Variants in PCDHGA4 observed in about 807,000 individuals in gnomAD.
PCDHGA4 encodes the protein protocadherin gamma-A4.
PCDHGA4 carries 38 observed loss-of-function variants against 54.6 expected under a neutral mutation model. The observed-to-expected ratio is 0.70, with a 90% CI of 0.54 to 0.91. The LOEUF is 0.91. Ranked by LOEUF, PCDHGA4 falls within the 40% of genes least tolerant of loss-of-function variation. The probability of loss-of-function intolerance (pLI) is 0.00; values close to 1 mark genes in which losing one functional copy is unlikely to be tolerated. For synonymous variants in PCDHGA4, 511 were observed against 512.9 expected, an observed-to-expected ratio of 1.00 and a Z score of 0.05; for missense variants, 1,298 against 1,220.9, an observed-to-expected ratio of 1.06 and a Z score of -0.94.
chr5:141,366,715 T>C (rs1183918402), intron 1 of PCDHGA4: 3 of 1,614,072 alleles, frequency 1.9e-6, no homozygotes, highest in Non-Finnish European at 2.5e-6. Flanking sequence ...TGATGTCTGA[T>C]AAGGTAGATG....
chr5:141,371,694 T>C, intron 1 of PCDHGA4: 1 of 1,614,030 alleles, frequency 6.2e-7, no homozygotes, highest in African/African-American at 1.3e-5. Flanking sequence ...ACCGCTCTCC[T>C]CCAGCAAGAC....
Position 141,398,085 on chromosome 5 carries a change from T to C in PCDHGA4, c.2514+40464T>C, listed in dbSNP as rs140389005. 4,220 of 1,598,288 alleles carry C rather than the reference T, an allele frequency of 2.6e-3. 81 individuals carry two copies. In the African/African-American group the frequency reaches 0.047, roughly 18 times the overall value. ...TACAATACAGAGGTTATTTGTAACCTGGCGTCTCCAGGCTGGTGAGCAAGC... is the reference window on the plus strand; with the variant it reads ...TACAATACAGAGGTTATTTGTAACCCGGCGTCTCCAGGCTGGTGAGCAAGC... On this transcript the variant is annotated intron_variant, in intron 1 of 3. Coordinates refer to ENST00000571252, the MANE Select transcript of PCDHGA4 (RefSeq NM_018917.4).
intron 1 of PCDHGA4, chr5:141,376,901 A>G: frequency 5.2e-6 from 1 of 191,460 alleles, no homozygotes. Context: ...GTTAGCCAGG[A>G]TGGTCTCGAT....
intron 1 of PCDHGA4, chr5:141,362,629 G>C: frequency 1.3e-6 from 2 of 1,492,810 alleles, no homozygotes; most frequent in Non-Finnish European, 1.8e-6. Flanking sequence ...GTTCCACTGC[G>C]TATTTCTTTG....
intron 1 of PCDHGA4, chr5:141,475,816 C>A (rs1051857446): frequency 1.5e-5 from 5 of 342,872 alleles, no homozygotes; most frequent in Admixed American, 9.0e-5. Context: ...AGTGAAGTTC[C>A]TGGCGCTAGC....
chr5:141,475,929 C>A, intron 1 of PCDHGA4: 1 of 634,624 alleles, frequency 1.6e-6, no homozygotes, highest in Non-Finnish European at 2.7e-6. Context: ...GGAGATCGGG[C>A]CCCTGCCCGT....
In PCDHGA4 at chr5:141,511,342, C is replaced by G. The variant is rs2099883728; in HGVS notation, c.*169C>G. The stretch of plus-strand genomic sequence containing the variant: ...AACAAGTGCCCAGTCAGCACCTACC[C>G]CTTCCCCCCCAGGGGGTTGAATATG... On this transcript the variant is annotated 3_prime_UTR_variant, in exon 4 of 4. Coordinates refer to ENST00000571252, the MANE Select transcript of PCDHGA4 (RefSeq NM_018917.4). 1 of 1,424,960 alleles carries G rather than the reference C, an allele frequency of 7.0e-7. No homozygotes were observed. Among genetic ancestry groups the G allele is most frequent in the Admixed American group, 2.6e-5 (1 of 38,556 alleles). 88.3% of individuals were successfully genotyped at this position (1,424,960 alleles called of 1,614,324 possible).
intron 1 of PCDHGA4, chr5:141,365,557 C>T (rs1763991052): frequency 1.2e-6 from 2 of 1,613,606 alleles, no homozygotes; most frequent in African/African-American, 1.3e-5. Flanking sequence ...CAACTAGGGA[C>T]CTGGACAGAG....
chr5:141,417,975 A>C, intron 1 of PCDHGA4: 3 of 1,613,724 alleles, frequency 1.9e-6, no homozygotes, highest in Non-Finnish European at 2.5e-6. Context: ...TCGATTCCGG[A>C]GGAGCTGGCC....
chr5:141,468,599 G>C (rs1055715232), intron 1 of PCDHGA4: 7 of 152,236 alleles, frequency 4.6e-5, no homozygotes, highest in African/African-American at 1.4e-4. Flanking sequence ...GGGCGCGGTG[G>C]CTCACGCCTG....
At chr5:141,430,811 A>G (rs1193066300) in intron 1 of PCDHGA4, 1 of 1,527,400 alleles carries the variant, frequency 6.5e-7, no homozygotes. Flanking sequence ...CCTGCTGGGA[A>G]TCCTCCTGGG....
chr5:141,382,260 G>T (rs1033176333), intron 1 of PCDHGA4, among the ~76,000 whole-genome samples: 8 of 152,108 alleles, frequency 5.3e-5, no homozygotes, highest in African/African-American at 1.4e-4. Context: ...GCATCATGGT[G>T]TCTAGAACAT....
At chr5:141,393,115 G>A (rs1342924521) in intron 1 of PCDHGA4, 1 of 1,613,438 alleles carries the variant, frequency 6.2e-7, no homozygotes. Context: ...CAGAGCCCGC[G>A]GTGTCTGATA....
intron 1 of PCDHGA4, chr5:141,409,139 GA>G: frequency 1.9e-6 from 3 of 1,614,012 alleles, no homozygotes; most frequent in Non-Finnish European, 2.5e-6. Context: ...TGAAGATGTA[GA>G]AAGGTACACC....
chr5:141,394,547 G>A, intron 1 of PCDHGA4: 8 of 1,614,098 alleles, frequency 5.0e-6, no homozygotes, highest in Non-Finnish European at 6.8e-6. Context: ...TGGAGCTGGC[G>A]CCCCGCTCCG....
At chr5:141,426,029 A>G (rs576464127) in intron 1 of PCDHGA4, among the ~76,000 whole-genome samples, 13 of 152,216 alleles carry the variant, frequency 8.5e-5, no homozygotes, top group Non-Finnish European at 1.9e-4. Flanking sequence ...AAATAGACTC[A>G]GAGCCCTGCT....
chr5:141,361,037 T>C, intron 1 of PCDHGA4: 1 of 1,613,390 alleles, frequency 6.2e-7, no homozygotes, highest in Non-Finnish European at 8.5e-7. Flanking sequence ...ACAGGAGAAA[T>C]CACGACAAAG....
intron 1 of PCDHGA4, chr5:141,409,619 C>A: frequency 6.2e-7 from 1 of 1,613,898 alleles, no homozygotes; most frequent in Non-Finnish European, 8.5e-7. Flanking sequence ...CTCCATTGCG[C>A]AAGTGAGCGC....
At chr5:141,416,245 C>T (rs1029299377) in intron 1 of PCDHGA4, 1 of 152,234 alleles carries the variant, frequency 6.6e-6, no homozygotes, top group Non-Finnish European at 1.5e-5. Flanking sequence ...CTATTTATAA[C>T]TGATAACACT....
Sources: gnomAD v4.1 joint callset for allele counts (sites outside exome capture counted in the v4.1 genomes callset) on GRCh38, gnomAD v4.1.1 for gene constraint, MANE v1.5 for transcripts, NCBI Gene and HGNC (gene_info 2026-07-23, HGNC 2026-07-21) for gene names.